Variants in AVL9 observed in about 807,000 individuals in gnomAD.
The protein encoded by AVL9 is late secretory pathway protein AVL9 homolog.
In AVL9, 49 loss-of-function variants were observed where a neutral mutation model predicts 79.2. That is an observed-to-expected ratio of 0.62 (90% CI 0.49 to 0.79). The LOEUF is 0.79. Ranked by LOEUF, AVL9 falls within the 30% of genes least tolerant of loss-of-function variation. AVL9 has a pLI of 0.00. For synonymous variants in AVL9, 299 were observed against 280.6 expected (o/e 1.07, Z -0.65); for missense variants, 682 against 776.8 (o/e 0.88, Z 1.45).
At chr7:32,559,584 T>A in intron 10 of AVL9, 120 bp downstream of exon 10, 2 of 910,992 alleles carry the variant, frequency 2.2e-6, no homozygotes, top group Non-Finnish European at 3.0e-6. Context: ...TTGAAAACTG[T>A]AAAGTACAAC....
rs934539563 is a variant in AVL9 at position 32,559,608 on chromosome 7, C to T, written c.1215+144C>T. The T allele has an allele frequency of 6.8e-6, 5 of 735,676 alleles. No homozygotes were observed. The South Asian group carries it at 1.3e-4, about 19-fold the overall frequency. 45.6% of individuals were successfully genotyped at this position (735,676 alleles called of 1,614,324 possible). ...GTAAAGTACAACCAAATACATAGTACTGTGGCATCCGTGACCATAGTATAA... is the reference window on the plus strand; with the variant it reads ...GTAAAGTACAACCAAATACATAGTATTGTGGCATCCGTGACCATAGTATAA... On this transcript the variant is annotated intron_variant, in intron 10 of 15. Coordinates refer to ENST00000318709, the MANE Select transcript of AVL9 (RefSeq NM_015060.3).
chr7:32,532,805 C>T (rs1187211023), intron 1 of AVL9: 1 of 152,092 alleles, frequency 6.6e-6, no homozygotes, highest in African/African-American at 2.4e-5. Context: ...TTTGGGAGAC[C>T]AGGGTGGGAA....
chr7:32,510,230 G>A (rs187952564), intron 1 of AVL9, among the ~76,000 whole-genome samples: 98 of 150,704 alleles, frequency 6.5e-4, no homozygotes, highest in African/African-American at 2.2e-3. Context: ...TCTGGCTGTG[G>A]GAGTCCACAG....
intron 3 of AVL9, among the ~76,000 whole-genome samples, chr7:32,547,772 C>T (rs1789589340): frequency 6.6e-6 from 1 of 152,128 alleles, no homozygotes; most frequent in African/African-American, 2.4e-5. Context: ...TGGATGAATC[C>T]AATCAGGAGG....
chr7:32,579,557 T>TTATG (rs1554348186), intron 13 of AVL9, among the ~76,000 whole-genome samples: 3 of 2,708 alleles, frequency 1.1e-3, no homozygotes, highest in Non-Finnish European at 1.7e-3. Context: ...ATATTATATA[T>TTATG]TATATTATAT....
chr7:32,579,423 A>G (rs913000163), intron 13 of AVL9, among the ~76,000 whole-genome samples: 1 of 4,460 alleles, frequency 2.2e-4, no homozygotes, highest in African/African-American at 1.5e-3. Flanking sequence ...TATGTTATAT[A>G]TATAATATAT....
At chr7:32,554,973 G>A (rs1488681426) in intron 8 of AVL9, among the ~76,000 whole-genome samples, 4 of 152,136 alleles carry the variant, frequency 2.6e-5, no homozygotes, top group Non-Finnish European at 5.9e-5. Context: ...GGGAACTGCC[G>A]ACAGTAATTG....
chr7:32,510,748 G>A lies in AVL9; in HGVS notation c.93+14946G>A, dbSNP rs192573003. Among the ~76,000 whole-genome samples, 716 of 110,274 alleles carry A rather than the reference G, an allele frequency of 6.5e-3. 27 individuals carry two copies. The highest frequency in any genetic ancestry group is 0.022 in the African/African-American group (647 of 29,714). The allele number at this position is 110,274 out of a possible 152,430, so 72.3% of individuals were successfully genotyped here. On this transcript the variant is annotated intron_variant, in intron 1 of 15. Coordinates refer to ENST00000318709, the MANE Select transcript of AVL9 (RefSeq NM_015060.3). ...CAGTATGAGGGAAACCATCTCCCCAGGGTAAGATTTGTGAGCCGTCAGGTC... is the reference window on the plus strand; with the variant it reads ...CAGTATGAGGGAAACCATCTCCCCAAGGTAAGATTTGTGAGCCGTCAGGTC...
chr7:32,547,935 G>A (rs529255767), intron 3 of AVL9, among the ~76,000 whole-genome samples: 4 of 152,152 alleles, frequency 2.6e-5, no homozygotes, highest in East Asian at 3.9e-4. Flanking sequence ...CCTTGCCTGA[G>A]GTTAATCAAA....
At chr7:32,582,975 T>C (rs1409785229) in intron 15 of AVL9, among the ~76,000 whole-genome samples, 1 of 152,180 alleles carries the variant, frequency 6.6e-6, no homozygotes, top group Non-Finnish European at 1.5e-5. Flanking sequence ...TGAGCCACCA[T>C]GCCTGGCCTA....
At chr7:32,514,241 C>T (rs1441074968) in intron 1 of AVL9, among the ~76,000 whole-genome samples, 1 of 152,180 alleles carries the variant, frequency 6.6e-6, no homozygotes, top group African/African-American at 2.4e-5. Flanking sequence ...TAGGCTGTCT[C>T]AGTGGGGAGA....
intron 1 of AVL9, among the ~76,000 whole-genome samples, chr7:32,526,854 A>C (rs1788422947): frequency 6.6e-6 from 1 of 152,150 alleles, no homozygotes; most frequent in East Asian, 1.9e-4. Flanking sequence ...CAGTTTTCCC[A>C]CCTCACAGAT....
intron 1 of AVL9, among the ~76,000 whole-genome samples, chr7:32,539,692 A>C (rs1157720867): frequency 1.3e-5 from 2 of 152,218 alleles, no homozygotes; most frequent in East Asian, 3.8e-4. Context: ...GCCTTAAAAC[A>C]ACACAAATTT....
intron 11 of AVL9, among the ~76,000 whole-genome samples, chr7:32,571,108 T>C (rs1367839852): frequency 6.7e-6 from 1 of 149,998 alleles, no homozygotes; most frequent in Non-Finnish European, 1.5e-5. Context: ...GGTGCATGCC[T>C]GTAGTCCCAG....
intron 13 of AVL9, 93 bp from the exon 14 acceptor site, chr7:32,580,126 C>A: frequency 2.0e-6 from 2 of 994,548 alleles, no homozygotes; most frequent in Non-Finnish European, 3.1e-6. Context: ...GCTGTGTTGT[C>A]CATGAGAAGT....
At position 32,559,247 on chromosome 7, in the gene AVL9, C is replaced by T; in HGVS notation, c.998C>T (p.Thr333Ile). The change falls in exon 10 of 16, where the codon ACT (threonine) becomes ATT (isoleucine). Residue 333 changes from threonine to isoleucine, a missense_variant. Coordinates refer to ENST00000318709, the MANE Select transcript of AVL9 (RefSeq NM_015060.3). ...GATTCTTCAGAAAGTGACTGGGAAA[C>T]TTTGGATCCTAGTGTCTTAGAGGAC... The part of the protein sequence containing the change: ...SPDSSESDWE[T>I]LDPSVLEDPN... 6.2e-7 allele frequency: 1 copy of T among 1,614,248 alleles called. No homozygotes were observed. Among genetic ancestry groups the T allele is most frequent in the Non-Finnish European group, 8.5e-7 (1 of 1,180,028 alleles).
chr7:32,544,794 A>G lies in AVL9; in HGVS notation c.300+15A>G, dbSNP rs1424765817. 1.9e-6 allele frequency: 3 copies of G among 1,594,808 alleles called. No individual in the cohort carries two copies. The highest frequency in any genetic ancestry group is 4.5e-5 in the East Asian group (2 of 44,686). ...TTGAAGCCAAGGTACGATAGTTAAT[A>G]GTGAAAAACAATTCCAAAGTCCCTT... On this transcript the variant is annotated intron_variant, in intron 3 of 15. Coordinates refer to ENST00000318709, the MANE Select transcript of AVL9 (RefSeq NM_015060.3).
chr7:32,576,695 AG>A (rs1791117284), intron 13 of AVL9, among the ~76,000 whole-genome samples: 1 of 152,068 alleles, frequency 6.6e-6, no homozygotes, highest in Non-Finnish European at 1.5e-5. Flanking sequence ...CTGAGACAGG[AG>A]AATCCCTTGA....
intron 3 of AVL9, 76 bp from the exon 4 acceptor site, chr7:32,548,771 T>C: frequency 9.4e-7 from 1 of 1,065,688 alleles, no homozygotes; most frequent in South Asian, 1.7e-5. Context: ...ATATAATTTC[T>C]ATTTTTATGT....
Sources: allele counts gnomAD v4.1 joint callset (sites outside exome capture counted in the v4.1 genomes callset), GRCh38; gene constraint gnomAD v4.1.1; transcripts MANE v1.5; gene names NCBI Gene and HGNC (gene_info 2026-07-23, HGNC 2026-07-21).